The following UGT1A6 variants were observed in gnomAD, a reference collection of about 807,000 sequenced individuals.
The protein encoded by UGT1A6 is UDP glucuronosyltransferase family 1 member A6.
A neutral mutation model predicts 44.4 loss-of-function variants in UGT1A6; 32 were observed. That is an observed-to-expected ratio of 0.72 (90% CI 0.54 to 0.97). The LOEUF is 0.97. UGT1A6 is among the 50% of genes least tolerant of loss of function. UGT1A6 has a pLI of 0.00. For missense variants in UGT1A6, 685 were observed against 661.9 expected, an observed-to-expected ratio of 1.03 and a Z score of -0.38; for synonymous variants, 238 against 248.5, an observed-to-expected ratio of 0.96 and a Z score of 0.40.
At chr2:233,760,900 A>G in intron 1 of UGT1A6, 1 of 1,613,770 alleles carries the variant, frequency 6.2e-7, no homozygotes, top group Non-Finnish European at 8.5e-7. Context: ...AGATCACATG[A>G]CCTTCCTGCA....
intron 1 of UGT1A6, chr2:233,754,420 G>A (rs2125925827): frequency 2.9e-6 from 1 of 342,686 alleles, no homozygotes; most frequent in East Asian, 7.5e-5. Context: ...ATAAAGACAG[G>A]CATTGGCATA....
chr2:233,747,343 T>A (rs1575682738), intron 1 of UGT1A6: 1 of 1,603,348 alleles, frequency 6.2e-7, no homozygotes, highest in East Asian at 2.2e-5. Flanking sequence ...CTGGCTCGCA[T>A]GCGGGAGGCC....
intron 1 of UGT1A6, chr2:233,753,763 T>C (rs1695302197): frequency 1.3e-5 from 2 of 152,344 alleles, no homozygotes; most frequent in South Asian, 4.1e-4. Context: ...TGCGTGGCCC[T>C]TTGGAAACGC....
intron 1 of UGT1A6, 122 bp downstream of exon 1, chr2:233,693,987 T>A: frequency 1.3e-6 from 2 of 1,542,284 alleles, no homozygotes; most frequent in Non-Finnish European, 1.7e-6. Flanking sequence ...TGGGGGGAAG[T>A]GATACCCGGC....
chr2:233,726,059 A>G (rs2077496716), intron 1 of UGT1A6, among the ~76,000 whole-genome samples: 1 of 152,080 alleles, frequency 6.6e-6, no homozygotes, highest in East Asian at 1.9e-4. Context: ...CCAGCTACTC[A>G]GGAGGCTGAG....
intron 1 of UGT1A6, among the ~76,000 whole-genome samples, chr2:233,702,673 C>T (rs1237832441): frequency 6.6e-6 from 1 of 152,056 alleles, no homozygotes; most frequent in East Asian, 1.9e-4. Flanking sequence ...CTTATCATAC[C>T]TGAGGTGTTT....
At chr2:233,738,596 A>G (rs545904932) in intron 1 of UGT1A6, among the ~76,000 whole-genome samples, 1 of 152,336 alleles carries the variant, frequency 6.6e-6, no homozygotes, top group East Asian at 1.9e-4. Flanking sequence ...CACTCTTGCT[A>G]AGCTTTAGCA....
chr2:233,727,024 C>A (rs1363887346), intron 1 of UGT1A6, among the ~76,000 whole-genome samples: 2 of 152,054 alleles, frequency 1.3e-5, no homozygotes, highest in African/African-American at 4.8e-5. Flanking sequence ...TGTTTTTGTA[C>A]CCTAAGGAAT....
chr2:233,707,802 G>A (rs900827108), intron 1 of UGT1A6, among the ~76,000 whole-genome samples: 5 of 152,298 alleles, frequency 3.3e-5, no homozygotes, highest in South Asian at 2.1e-4. Flanking sequence ...GAGCTGCTGC[G>A]TTGGAGGGCG....
chr2:233,768,255 G>A lies in UGT1A6; in HGVS notation c.1117G>A (p.Gly373Ser), dbSNP rs1276913504. The A allele has an allele frequency of 1.2e-6, 2 of 1,614,166 alleles. No homozygotes were observed. Among genetic ancestry groups the A allele is most frequent in the Non-Finnish European group, 8.5e-7 (1 of 1,180,040 alleles). ...PMTRAFITHAGSHGVYESICN... is the reference protein window; with the variant it reads ...PMTRAFITHASSHGVYESICN... Reference sequence around the variant, plus strand: ...GACCCGTGCCTTTATCACCCATGCTGGTTCCCATGGTGTTTATGAAAGCAT... The same window carrying A: ...GACCCGTGCCTTTATCACCCATGCTAGTTCCCATGGTGTTTATGAAAGCAT... The change falls in exon 4 of 5, where the codon GGT becomes AGT. Residue 373 changes from glycine to serine, a missense_variant. Gly to Ser is a moderately conservative substitution (Grantham distance 56, BLOSUM62 0). Coordinates refer to ENST00000305139, the MANE Select transcript of UGT1A6 (RefSeq NM_001072.4).
At chr2:233,732,380 T>C (rs1265735798) in intron 1 of UGT1A6, among the ~76,000 whole-genome samples, 1 of 152,104 alleles carries the variant, frequency 6.6e-6, no homozygotes, top group Non-Finnish European at 1.5e-5. Context: ...CTATGTCTTC[T>C]AGGCCATGCC....
intron 1 of UGT1A6, among the ~76,000 whole-genome samples, chr2:233,732,641 C>A (rs1039545438): frequency 3.9e-5 from 6 of 152,094 alleles, no homozygotes; most frequent in African/African-American, 1.4e-4. Context: ...TTTCTGAGAC[C>A]ACTGTTCTGC....
chr2:233,719,580 G>A (rs369777528), intron 1 of UGT1A6: 53 of 1,613,798 alleles, frequency 3.3e-5, no homozygotes, highest in East Asian at 4.5e-5. Flanking sequence ...CTATGCATCC[G>A]TGTGGCTGTT....
At chr2:233,733,854 T>G (rs1332608655) in intron 1 of UGT1A6, among the ~76,000 whole-genome samples, 12 of 152,088 alleles carry the variant, frequency 7.9e-5, no homozygotes, top group Admixed American at 7.9e-4. Flanking sequence ...CTTTTTCTAT[T>G]GATTGGAATA....
At chr2:233,727,671 A>C (rs2077638679) in intron 1 of UGT1A6, among the ~76,000 whole-genome samples, 2 of 152,110 alleles carry the variant, frequency 1.3e-5, no homozygotes, top group Non-Finnish European at 2.9e-5. Context: ...TGTCCTTACA[A>C]ATTCCCAGGA....
rs45621441 is a variant in UGT1A6, at chr2:233,719,022, C to T, written c.861+25157C>T. On this transcript the variant is annotated intron_variant, in intron 1 of 4. Transcript: ENST00000305139. ...GGTCCTCACCCCAGAGGTGAATATG[C>T]ACATCAAAGAAGAGAAATTTTTCAC... 2,685 of 1,614,218 alleles carry T rather than the reference C, an allele frequency of 1.7e-3. 14 individuals are homozygous for T. The highest frequency in any genetic ancestry group is 3.6e-3 in the Middle Eastern group (22 of 6,062).
At chr2:233,760,285 G>T (rs376515645) in intron 1 of UGT1A6, 112 of 1,612,816 alleles carry the variant, frequency 6.9e-5, no homozygotes, top group Non-Finnish European at 8.9e-5. Flanking sequence ...GAGCAAAGGC[G>T]CCATGGCTGT....
chr2:233,754,024 C>G (rs763970261), intron 1 of UGT1A6, among the ~76,000 whole-genome samples: 2 of 152,198 alleles, frequency 1.3e-5, no homozygotes, highest in Non-Finnish European at 2.9e-5. Context: ...TGATAGGAAA[C>G]GAATGCATCC....
intron 4 of UGT1A6, 80 bp from the exon 5 acceptor site, chr2:233,772,181 TC>T: frequency 6.3e-7 from 1 of 1,588,120 alleles, no homozygotes; most frequent in Non-Finnish European, 8.6e-7. Context: ...CTGGTAGTCT[TC>T]TTAAGCAGCC....
Sources: allele counts gnomAD v4.1 joint callset (sites outside exome capture counted in the v4.1 genomes callset), GRCh38; gene constraint gnomAD v4.1.1; transcripts MANE v1.5; gene names NCBI Gene and HGNC (gene_info 2026-07-23, HGNC 2026-07-21).